SULT2B1: variants seen among roughly 807,000 people sequenced by gnomAD.
The protein encoded by SULT2B1 is sulfotransferase family 2B member 1, also known as sulfotransferase 2B1.
A neutral mutation model predicts 33.2 loss-of-function variants in SULT2B1; 16 were observed. The observed-to-expected ratio is 0.48, with a 90% CI of 0.33 to 0.73. The LOEUF is 0.73. Among genes scored for constraint, SULT2B1 ranks in the 30% least tolerant of loss-of-function variants. The probability of loss-of-function intolerance (pLI) is 0.02; values close to 1 mark genes in which losing one functional copy is unlikely to be tolerated. For synonymous variants in SULT2B1, 186 were observed against 200.5 expected, an observed-to-expected ratio of 0.93 and a Z score of 0.61; for missense variants, 500 against 506.0, an observed-to-expected ratio of 0.99 and a Z score of 0.11.
intron 3 of SULT2B1, among the ~76,000 whole-genome samples, chr19:48,590,328 A>T (rs1167091591): frequency 6.7e-6 from 1 of 149,062 alleles, no homozygotes; most frequent in Non-Finnish European, 1.5e-5. Context: ...TAGGCTGGGC[A>T]TGGTGGCTCA....
At chr19:48,561,626 G>A (rs954389526) in intron 1 of SULT2B1, among the ~76,000 whole-genome samples, 5 of 152,054 alleles carry the variant, frequency 3.3e-5, no homozygotes, top group Non-Finnish European at 7.4e-5. Context: ...CGACATTCAG[G>A]GAACAAGCCA....
rs985231001 is a variant in SULT2B1 at position 48,587,115 on chromosome 19, A to AAC, written c.215-113_215-112insCA. ...CAACAGAGTAAGACTCTGTCTTAAA[A>AAC]AAAAATAATAAAAGGTGGCAAATTG... is the stretch of plus-strand genomic sequence containing the variant. On this transcript the variant is annotated intron_variant, in intron 2 of 6. Coordinates refer to ENST00000201586, the MANE Select transcript of SULT2B1 (RefSeq NM_177973.2). 380 of 828,060 alleles carry AAC rather than the reference A, an allele frequency of 4.6e-4. No individual in the cohort carries two copies. In the African/African-American group the frequency reaches 5.8e-3, roughly 13 times the overall value. The allele number at this position is 828,060 out of a possible 1,614,324, so 51.3% of individuals were successfully genotyped here. A position where few individuals can be genotyped will look rare whatever the true frequency, so the allele number is the denominator to read the frequency against.
intron 1 of SULT2B1, among the ~76,000 whole-genome samples, chr19:48,567,102 T>C (rs1348617454): frequency 6.6e-6 from 1 of 152,168 alleles, no homozygotes; most frequent in Non-Finnish European, 1.5e-5. Context: ...TTCCAGCGTT[T>C]TTCCAGGTCC....
At chr19:48,569,363 CATAT>C (rs1159840741) in intron 1 of SULT2B1, among the ~76,000 whole-genome samples, 376 of 33,108 alleles carry the variant, frequency 0.011, 1 homozygote, top group East Asian at 0.04. Flanking sequence ...AAAAAAAAAA[CATAT>C]ATATATATAT....
At chr19:48,562,742 C>T (rs1301173394) in intron 1 of SULT2B1, among the ~76,000 whole-genome samples, 5 of 151,918 alleles carry the variant, frequency 3.3e-5, no homozygotes, top group South Asian at 2.1e-4. Context: ...TGCAGTGGCG[C>T]GATCTCAGCT....
At chr19:48,579,605 CTTTT>C (rs149157128) in intron 2 of SULT2B1, among the ~76,000 whole-genome samples, 2 of 79,736 alleles carry the variant, frequency 2.5e-5, no homozygotes, top group Non-Finnish European at 2.3e-5. Context: ...TTCTTTCTTT[CTTTT>C]TTTTTTTTTT....
Position 48,576,087 on chromosome 19 carries a change from C to A in SULT2B1, c.214+4C>A. 1 of 1,606,302 alleles carries A rather than the reference C, an allele frequency of 6.2e-7. No homozygotes were observed. The highest frequency in any genetic ancestry group is 8.5e-7 in the Non-Finnish European group (1 of 1,175,902). ...ATCATCACCTACCCCAAGTCAGGTA[C>A]CTGCCGGGCTGCGGGCGTCGGGGGC... On this transcript the variant is annotated splice_donor_region_variant and intron_variant, in intron 2 of 6. Coordinates refer to ENST00000201586, the MANE Select transcript of SULT2B1 (RefSeq NM_177973.2).
In SULT2B1 at chr19:48,596,805, G is replaced by T; in HGVS notation, c.712G>T (p.Gly238Cys). 6.2e-7 allele frequency: 1 copy of T among 1,609,854 alleles called. No individual in the cohort carries two copies. Among genetic ancestry groups the T allele is most frequent in the Non-Finnish European group, 8.5e-7 (1 of 1,179,978 alleles). Residue 238 changes from glycine (G) to cysteine (C), a missense_variant, in exon 6 of 7, where the codon GGC becomes TGC. Transcript: ENST00000201586. ...CCGTCCGCTGGGCAAGGAGGCACTGGGCTCCGTCGTGGCACACTCAACCTT... is the reference window on the plus strand; with the variant it reads ...CCGTCCGCTGGGCAAGGAGGCACTGTGCTCCGTCGTGGCACACTCAACCTT... ...LGRPLGKEAL[G>C]SVVAHSTFSA...
chr19:48,597,052 C>G, intron 6 of SULT2B1, 133 bp downstream of exon 6: 1 of 1,047,878 alleles, frequency 9.5e-7, no homozygotes, highest in Non-Finnish European at 1.4e-6. Flanking sequence ...ACTGTGGCCC[C>G]AGGGTTGATC....
At chr19:48,580,306 T>A (rs1260789622) in intron 2 of SULT2B1, among the ~76,000 whole-genome samples, 1 of 152,094 alleles carries the variant, frequency 6.6e-6, no homozygotes, top group Non-Finnish European at 1.5e-5. Context: ...TTGCCCAGGC[T>A]GGAGTGCAGT....
intron 1 of SULT2B1, among the ~76,000 whole-genome samples, chr19:48,573,593 G>A (rs1314073452): frequency 6.6e-6 from 1 of 151,994 alleles, no homozygotes; most frequent in Admixed American, 6.6e-5. Context: ...TTCCAGGAGC[G>A]GGAACAGCAG....
chr19:48,597,282 C>G (rs998363853), intron 6 of SULT2B1, among the ~76,000 whole-genome samples: 3 of 151,846 alleles, frequency 2.0e-5, no homozygotes, highest in African/African-American at 7.3e-5. Flanking sequence ...TAGTTGTTTC[C>G]TCTTCCTGCT....
At position 48,599,365 on chromosome 19, in the gene SULT2B1, C is replaced by T. The variant is rs759937237; in HGVS notation, c.1057C>T (p.Pro353Ser). 1 of 1,567,380 alleles carries T rather than the reference C, an allele frequency of 6.4e-7. No individual in the cohort carries two copies. The highest frequency in any genetic ancestry group is 1.2e-5 in the South Asian group (1 of 85,996). Residue 353 changes from proline (P) to serine (S), a missense_variant, in exon 7 of 7, where the codon CCC becomes TCC. Transcript: ENST00000201586. The surrounding 1 kb of genome is among the most constrained non-coding windows in gnomAD (Gnocchi z 4.1). ...PRPNSSPSPS[P>S]GQASETPHPR... ...ACCCAACTCCAGCCCCAGCCCCAGC[C>T]CCGGCCAGGCCTCTGAGACCCCGCA...
chr19:48,571,736 T>C (rs1031394364), intron 1 of SULT2B1, among the ~76,000 whole-genome samples: 4 of 151,688 alleles, frequency 2.6e-5, no homozygotes, highest in Admixed American at 6.6e-5. Context: ...ATATGTCAAC[T>C]GTAGAGTAGC....
At chr19:48,555,614 G>A (rs991579996) in intron 1 of SULT2B1, among the ~76,000 whole-genome samples, 5 of 136,492 alleles carry the variant, frequency 3.7e-5, no homozygotes, top group African/African-American at 1.4e-4. Flanking sequence ...TTGCTCTGTG[G>A]CTCACACTGG....
intron 6 of SULT2B1, among the ~76,000 whole-genome samples, chr19:48,598,515 C>T (rs1288040730): frequency 8.6e-5 from 13 of 151,956 alleles, no homozygotes; most frequent in Admixed American, 7.2e-4. Flanking sequence ...TCGCTTGAAT[C>T]GGAGGTTGCA....
intron 1 of SULT2B1, among the ~76,000 whole-genome samples, chr19:48,564,024 A>G (rs553136807): frequency 6.6e-6 from 1 of 151,544 alleles, no homozygotes; most frequent in South Asian, 2.1e-4. Context: ...TGGGTTGATC[A>G]CGAAGTCAGG....
At position 48,557,645 on chromosome 19, in the gene SULT2B1, G is replaced by A. The variant is rs184969785; in HGVS notation, c.71+5322G>A. Reference sequence around the variant, plus strand: ...ATTAAAATCGTAAGAGGCCGGGCACGGTGGCTCACGCCTGTAATCCCAGAA... The same window carrying A: ...ATTAAAATCGTAAGAGGCCGGGCACAGTGGCTCACGCCTGTAATCCCAGAA... On this transcript the variant is annotated intron_variant, in intron 1 of 6. Coordinates refer to ENST00000201586, the MANE Select transcript of SULT2B1 (RefSeq NM_177973.2). Among the ~76,000 whole-genome samples, 594 of 148,964 alleles carry A rather than the reference G, an allele frequency of 4.0e-3. 3 individuals are homozygous for A. The highest frequency in any genetic ancestry group is 0.012 in the African/African-American group (485 of 40,498).
At chr19:48,554,147 G>A (rs1231761994) in intron 1 of SULT2B1, among the ~76,000 whole-genome samples, 2 of 151,548 alleles carry the variant, frequency 1.3e-5, no homozygotes, top group African/African-American at 4.9e-5. Context: ...GCAGAGCCCT[G>A]GGGGGGTGCC....
Sources: gnomAD v4.1 joint callset for allele counts (sites outside exome capture counted in the v4.1 genomes callset) on GRCh38, gnomAD v4.1.1 for gene constraint, Gnocchi (gnomAD v3.1) non-coding constraint, MANE v1.5 for transcripts, NCBI Gene and HGNC (gene_info 2026-07-23, HGNC 2026-07-21) for gene names.